RASGEF1C: variants seen among roughly 807,000 people sequenced by gnomAD.
The protein encoded by RASGEF1C is RasGEF domain family member 1C.
A neutral mutation model predicts 58.1 loss-of-function variants in RASGEF1C; 27 were observed. The ratio of observed to expected loss-of-function variants is 0.46; its 90% CI spans 0.34 to 0.64. The LOEUF (loss-of-function observed/expected upper bound fraction) is 0.64. Among genes scored for constraint, RASGEF1C ranks in the 30% least tolerant of loss-of-function variants. RASGEF1C has a pLI of 0.01. For synonymous variants in RASGEF1C, 243 were observed against 246.3 expected, an observed-to-expected ratio of 0.99 and a Z score of 0.13; for missense variants, 502 against 605.1, an observed-to-expected ratio of 0.83 and a Z score of 1.79.
intron 1 of RASGEF1C, among the ~76,000 whole-genome samples, chr5:180,182,261 G>A (rs938556798): frequency 6.9e-6 from 1 of 144,690 alleles, no homozygotes; most frequent in Non-Finnish European, 1.5e-5. Flanking sequence ...CACAGTGAGT[G>A]TTACACAGCT....
intron 12 of RASGEF1C, among the ~76,000 whole-genome samples, chr5:180,109,239 G>A (rs1377812338): frequency 6.6e-6 from 1 of 152,126 alleles, no homozygotes; most frequent in Non-Finnish European, 1.5e-5. Flanking sequence ...GGTGGATCAT[G>A]AGGTCAGGAG....
intron 1 of RASGEF1C, among the ~76,000 whole-genome samples, chr5:180,201,234 G>A (rs753718633): frequency 1.3e-5 from 2 of 152,216 alleles, no homozygotes; most frequent in Admixed American, 6.5e-5. Context: ...TCTCAGGAAG[G>A]CCCTGCTTCT....
At chr5:180,139,355 C>A (rs765885509) in intron 1 of RASGEF1C, among the ~76,000 whole-genome samples, 1 of 152,236 alleles carries the variant, frequency 6.6e-6, no homozygotes, top group Admixed American at 6.5e-5. Flanking sequence ...CTCATGCCGT[C>A]CTTGCTGCCC....
At position 180,110,392 on chromosome 5, in the gene RASGEF1C, C is replaced by CTTTTTTT. The variant is rs67020657; in HGVS notation, c.1303+1058_1303+1064dup. 3.0e-4 allele frequency among the ~76,000 whole-genome samples: 40 copies of CTTTTTTT among 132,284 alleles called. 1 individual carries two copies. The highest frequency in any genetic ancestry group is 1.1e-3 in the African/African-American group (37 of 35,150). The allele number at this position is 132,284 out of a possible 152,430, so 86.8% of individuals were successfully genotyped here. On this transcript the variant is annotated intron_variant, in intron 12 of 13. Coordinates refer to ENST00000361132, the MANE Select transcript of RASGEF1C (RefSeq NM_175062.4). ...CAAAATCATTAAAAGATCCTTCTCCCTTTTTTTTTTTTTTTTTGGAGAAAG... is the reference window on the plus strand; with the variant it reads ...CAAAATCATTAAAAGATCCTTCTCCCTTTTTTTTTTTTTTTTTTTTTTTTGGAGAAAG...
intron 1 of RASGEF1C, among the ~76,000 whole-genome samples, chr5:180,207,578 C>A (rs1348159896): frequency 6.6e-6 from 1 of 152,178 alleles, no homozygotes; most frequent in Non-Finnish European, 1.5e-5. Context: ...TGGTGGCCTG[C>A]GGGCTCCCCC....
At chr5:180,139,724 G>T (rs560420702) in intron 1 of RASGEF1C, among the ~76,000 whole-genome samples, 1 of 152,336 alleles carries the variant, frequency 6.6e-6, no homozygotes, top group Admixed American at 6.5e-5. Flanking sequence ...GAGCAGGTGG[G>T]CATGCAGGAA....
intron 1 of RASGEF1C, among the ~76,000 whole-genome samples, chr5:180,144,430 G>A (rs1284295096): frequency 1.3e-5 from 2 of 152,168 alleles, no homozygotes; most frequent in African/African-American, 4.8e-5. Flanking sequence ...ATTCTCAAGA[G>A]TTTGAGACCA....
At chr5:180,126,693 G>T (rs904192484) in intron 6 of RASGEF1C, among the ~76,000 whole-genome samples, 3 of 152,196 alleles carry the variant, frequency 2.0e-5, no homozygotes, top group African/African-American at 7.2e-5. Flanking sequence ...TTCATAATTT[G>T]TAATCCAGTC....
chr5:180,180,597 G>A (rs1271543744), intron 1 of RASGEF1C, among the ~76,000 whole-genome samples: 1 of 152,226 alleles, frequency 6.6e-6, no homozygotes, highest in African/African-American at 2.4e-5. Flanking sequence ...CGCTGCCCCA[G>A]ACTGGCCATC....
chr5:180,186,494 C>T (rs1561755477), intron 1 of RASGEF1C, among the ~76,000 whole-genome samples: 1 of 152,050 alleles, frequency 6.6e-6, no homozygotes, highest in Non-Finnish European at 1.5e-5. Context: ...GATCTGCAGA[C>T]TGAAAACTAT....
intron 1 of RASGEF1C, among the ~76,000 whole-genome samples, chr5:180,174,603 CACGCATGTGTGTGTCTG>C (rs1561751560): frequency 1.3e-4 from 16 of 121,902 alleles, no homozygotes; most frequent in African/African-American, 4.3e-4. Context: ...TGTGTGTGTG[CACGCATGTGTGTGTCTG>C]TGTGTGTGTG....
chr5:180,132,234 G>A (rs73810788), intron 4 of RASGEF1C, among the ~76,000 whole-genome samples: 172 of 152,350 alleles, frequency 1.1e-3, no homozygotes, highest in African/African-American at 3.7e-3. Context: ...GAGGCTGCCC[G>A]GGAGGCTGGG....
intron 10 of RASGEF1C, 55 bp from the exon 11 acceptor site, chr5:180,114,596 C>T: frequency 2.0e-6 from 3 of 1,536,054 alleles, no homozygotes; most frequent in Non-Finnish European, 8.9e-7. Flanking sequence ...CAGCGGGCTC[C>T]AGGACGGGGG....
intron 1 of RASGEF1C, among the ~76,000 whole-genome samples, chr5:180,194,261 G>A (rs960418719): frequency 1.3e-5 from 2 of 152,166 alleles, no homozygotes; most frequent in Admixed American, 6.5e-5. Flanking sequence ...TATGAAATGC[G>A]CATCTGTCAA....
intron 1 of RASGEF1C, among the ~76,000 whole-genome samples, chr5:180,207,240 T>TG (rs1756504757): frequency 6.6e-6 from 1 of 152,214 alleles, no homozygotes; most frequent in East Asian, 1.9e-4. Flanking sequence ...GGGTGCATTG[T>TG]GGAGCTAAGT....
intron 1 of RASGEF1C, among the ~76,000 whole-genome samples, chr5:180,164,186 A>G (rs934795804): frequency 7.2e-5 from 11 of 152,278 alleles, no homozygotes; most frequent in Middle Eastern, 3.4e-3. Context: ...TTTTGGTTTC[A>G]TTGACGTTCT....
chr5:180,166,385 G>A (rs550453832), intron 1 of RASGEF1C, among the ~76,000 whole-genome samples: 1 of 152,146 alleles, frequency 6.6e-6, no homozygotes, highest in South Asian at 2.1e-4. Flanking sequence ...TGTCCTTCCA[G>A]TATCACTTCC....
intron 1 of RASGEF1C, among the ~76,000 whole-genome samples, chr5:180,207,193 G>A (rs1316586073): frequency 6.6e-6 from 1 of 152,240 alleles, no homozygotes; most frequent in Non-Finnish European, 1.5e-5. Context: ...GTTTTGGTTG[G>A]CTTCGGTGTG....
rs188815655 is a variant in RASGEF1C, at chr5:180,156,850, A to C, written c.-6-18792T>G. On this transcript the variant is annotated intron_variant, in intron 1 of 13. Coordinates refer to ENST00000361132, the MANE Select transcript of RASGEF1C (RefSeq NM_175062.4). The surrounding 1 kb of genome is among the most constrained non-coding windows in gnomAD (Gnocchi z 4.9). ...AAGAAAACAAACAACCTGATTAATA[A>C]AGGAGACAAAGACCTTAACAGGCAC... Among the ~76,000 whole-genome samples, 1 of 152,242 alleles carries C rather than the reference A, an allele frequency of 6.6e-6. No homozygotes were observed. Among genetic ancestry groups the C allele is most frequent in the Non-Finnish European group, 1.5e-5 (1 of 68,040 alleles).
Sources: gnomAD v4.1 joint callset for allele counts (sites outside exome capture counted in the v4.1 genomes callset) on GRCh38, gnomAD v4.1.1 for gene constraint, Gnocchi (gnomAD v3.1) non-coding constraint, MANE v1.5 for transcripts, NCBI Gene and HGNC (gene_info 2026-07-23, HGNC 2026-07-21) for gene names.